The following UNKL variants were observed in gnomAD, a reference collection of about 807,000 sequenced individuals.
The protein encoded by UNKL is unk like zinc finger.
A neutral mutation model predicts 78.0 loss-of-function variants in UNKL; 60 were observed. The ratio of observed to expected loss-of-function variants is 0.77; its 90% CI spans 0.63 to 0.95. The LOEUF (loss-of-function observed/expected upper bound fraction) is 0.95, where lower values mean the gene tolerates loss of function less well. UNKL is among the 40% of genes least tolerant of loss of function. The pLI, the probability that UNKL is intolerant of heterozygous loss-of-function variation, is 0.00. For missense variants in UNKL, 1,159 were observed against 1,045.7 expected (o/e 1.11, Z -1.49); for synonymous variants, 608 against 474.8 (o/e 1.28, Z -3.65).
chr16:1,379,033 C>G (rs999347427), intron 10 of UNKL: 1 of 152,262 alleles, frequency 6.6e-6, no homozygotes, highest in Non-Finnish European at 1.5e-5. Context: ...CTGGGTCAGG[C>G]CAGGCTGCCT....
chr16:1,379,516 T>G, intron 10 of UNKL: 13 of 985,106 alleles, frequency 1.3e-5, no homozygotes, highest in Non-Finnish European at 1.6e-5. Flanking sequence ...CCCGGCTCCG[T>G]GACGCGGGGG....
chr16:1,400,248 G>A lies in UNKL; in HGVS notation c.599-739C>T, dbSNP rs976436740. On this transcript the variant is annotated intron_variant, in intron 4 of 14. Coordinates refer to ENST00000389221, the MANE Select transcript of UNKL (RefSeq NM_001372107.1). ...TGCCTGGCCAACACAGTGAAACCCC[G>A]TCTCTACTAAAAATAAAAAATTAGC... Among the ~76,000 whole-genome samples, 11 of 151,564 alleles carry A rather than the reference G, an allele frequency of 7.3e-5. No homozygotes were observed. In the East Asian group the frequency reaches 1.8e-3, roughly 24 times the overall value.
Position 1,387,383 on chromosome 16 carries a change from C to T in UNKL, c.1087-1998G>A, listed in dbSNP as rs140483251. ...TGGTGCCATCTCAGTGGCAACCCGC[C>T]CCCTATCCCTTGCACTTCCTGTCCC... On this transcript the variant is annotated intron_variant, in intron 9 of 14. Coordinates refer to ENST00000389221, the MANE Select transcript of UNKL (RefSeq NM_001372107.1). This position sits in a 1 kb window ranked among gnomAD's most constrained non-coding sequence, Gnocchi z 4.1. Among the ~76,000 whole-genome samples the T allele has an allele frequency of 6.6e-6, 1 of 152,292 alleles. No homozygotes were observed. The highest frequency in any genetic ancestry group is 1.5e-5 in the Non-Finnish European group (1 of 68,008).
intron 12 of UNKL, 87 bp downstream of exon 12, chr16:1,370,043 G>T: frequency 6.4e-7 from 1 of 1,551,064 alleles, no homozygotes; most frequent in Non-Finnish European, 8.7e-7. Flanking sequence ...AAGGTTCCGT[G>T]TGAGGCCCCT....
chr16:1,398,681 A>ACTCCC, intron 5 of UNKL: 8 of 694,534 alleles, frequency 1.2e-5, no homozygotes, highest in Middle Eastern at 6.3e-4. Context: ...TGGGGTCTGC[A>ACTCCC]CCCCCCCACC....
At chr16:1,398,679 G>GCGGGCC in intron 5 of UNKL, 33 of 1,355,824 alleles carry the variant, frequency 2.4e-5, no homozygotes, top group Middle Eastern at 2.9e-4. Context: ...TGTGGGGTCT[G>GCGGGCC]CACCCCCCCA....
chr16:1,392,478 A>C (rs1261938100), intron 8 of UNKL, among the ~76,000 whole-genome samples: 1 of 151,678 alleles, frequency 6.6e-6, no homozygotes, highest in Non-Finnish European at 1.5e-5. Context: ...TCTGTCACCC[A>C]GACTGAAGTG....
chr16:1,410,701 C>CTACT (rs1397318230), intron 2 of UNKL, among the ~76,000 whole-genome samples: 1 of 152,164 alleles, frequency 6.6e-6, no homozygotes, highest in African/African-American at 2.4e-5. Flanking sequence ...CAGCAGTGGC[C>CTACT]CTACTTGCAA....
At chr16:1,377,741 C>T (rs973230677) in intron 10 of UNKL, among the ~76,000 whole-genome samples, 3 of 152,164 alleles carry the variant, frequency 2.0e-5, no homozygotes, top group African/African-American at 7.2e-5. Context: ...GGGGCCAAAG[C>T]CCTTCCTCCT....
In UNKL at chr16:1,370,148, A is replaced by C. The variant is rs2035681657; in HGVS notation, c.1567T>G (p.Ser523Ala). 2 of 1,519,534 alleles carry C rather than the reference A, an allele frequency of 1.3e-6. No individual in the cohort carries two copies. The highest frequency in any genetic ancestry group is 1.8e-6 in the Non-Finnish European group (2 of 1,128,818). 94.1% of individuals were successfully genotyped at this position (1,519,534 alleles called of 1,614,324 possible). ...CACTCACCTAGGGGGCTGTAGGATG[A>C]GGCTGCAGAGCCCAGTGTGCCCGGC... ...SEPGTLGSAA[S>A]SYSPLGLNGV... Residue 523 changes from serine to alanine, a missense_variant, in exon 12 of 15, where the codon TCA (serine) becomes GCA (alanine). By Grantham distance (99) the Ser-to-Ala change is moderately conservative (BLOSUM62 1). Transcript: ENST00000389221.
chr16:1,366,420 C>A, intron 14 of UNKL, 25 bp from the exon 15 acceptor site: 1 of 1,553,376 alleles, frequency 6.4e-7, no homozygotes, highest in South Asian at 1.2e-5. Flanking sequence ...CAATGACGGG[C>A]TCAGGAGGCC....
At chr16:1,367,961 C>G (rs2035448301) in intron 12 of UNKL, 103 bp from the exon 13 acceptor site, 8 of 1,066,374 alleles carry the variant, frequency 7.5e-6, no homozygotes, top group Admixed American at 2.3e-5. Context: ...TGGGCACCCT[C>G]TGGGGCTCAC....
At chr16:1,369,065 T>TTG (rs2035558821) in intron 12 of UNKL, among the ~76,000 whole-genome samples, 5 of 124,862 alleles carry the variant, frequency 4.0e-5, no homozygotes, top group Admixed American at 1.6e-4. Context: ...GTTTTTTTTT[T>TTG]TTTTTTTTTT....
Position 1,392,903 on chromosome 16 carries a change from G to T in UNKL, c.1011C>A (p.Gly337=), listed in dbSNP as rs961989874. Residue 337 remains glycine, a synonymous_variant, in exon 8 of 15, where the codon GGC becomes GGA. Transcript: ENST00000389221. ...HLTSPSSTGS[G]QPGNAKRRDS... ...GCCGTTCACTTACATTTCCCGGCTG[G>T]CCGCTGCCCGTGGAGGAAGGACTCG... 5.8e-6 allele frequency: 9 copies of T among 1,550,478 alleles called. No homozygotes were observed. The highest frequency in any genetic ancestry group is 2.7e-5 in the African/African-American group (2 of 73,062).
chr16:1,407,838 G>T (rs2142257905), intron 2 of UNKL, among the ~76,000 whole-genome samples: 1 of 152,322 alleles, frequency 6.6e-6, no homozygotes, highest in South Asian at 2.1e-4. Flanking sequence ...TCTGGACAGG[G>T]GTGGGCTGGC....
At chr16:1,395,975 C>T (rs1002679049) in intron 6 of UNKL, among the ~76,000 whole-genome samples, 4 of 152,170 alleles carry the variant, frequency 2.6e-5, no homozygotes, top group African/African-American at 9.7e-5. Flanking sequence ...TAGAGTCTTG[C>T]TCTATCCCCC....
chr16:1,406,067 C>A lies in UNKL; in HGVS notation c.288-2723G>T, dbSNP rs772123379. 4.6e-5 allele frequency: 21 copies of A among 456,612 alleles called. No individual in the cohort carries two copies. In the East Asian group the frequency reaches 1.0e-3, roughly 23 times the overall value. The allele number at this position is 456,612 out of a possible 1,614,324, so 28.3% of individuals were successfully genotyped here. A position where few individuals can be genotyped will look rare whatever the true frequency, so the allele number is the denominator to read the frequency against. ...TGCCGGCTGGTTCCCAGGGAACGTG[C>A]GAGAACCACCGGGCTTAGGAGACAG... On this transcript the variant is annotated intron_variant, in intron 2 of 14. Coordinates refer to ENST00000389221, the MANE Select transcript of UNKL (RefSeq NM_001372107.1).
At chr16:1,386,244 A>G (rs959381002) in intron 9 of UNKL, among the ~76,000 whole-genome samples, 2 of 152,108 alleles carry the variant, frequency 1.3e-5, no homozygotes, top group African/African-American at 4.8e-5. Flanking sequence ...CCCTGTCTCT[A>G]CTAAAAATAC....
At position 1,386,316 on chromosome 16, in the gene UNKL, G is replaced by C. The variant is rs190106430; in HGVS notation, c.1087-931C>G. 7.7e-3 allele frequency among the ~76,000 whole-genome samples: 1,170 copies of C among 152,308 alleles called. 14 individuals are homozygous for C. Among genetic ancestry groups the C allele is most frequent in the African/African-American group, 0.025 (1,031 of 41,562 alleles). Reference sequence around the variant, plus strand: ...ACCTGTAATCGCAGCACTTTGGGAGGCCGAGGTGGGCAGATCACCTGAGAT... The same window carrying C: ...ACCTGTAATCGCAGCACTTTGGGAGCCCGAGGTGGGCAGATCACCTGAGAT... On this transcript the variant is annotated intron_variant, in intron 9 of 14. Transcript: ENST00000389221.
Sources: gnomAD v4.1 joint callset for allele counts (sites outside exome capture counted in the v4.1 genomes callset) on GRCh38, gnomAD v4.1.1 for gene constraint, Gnocchi (gnomAD v3.1) non-coding constraint, MANE v1.5 for transcripts, NCBI Gene and HGNC (gene_info 2026-07-23, HGNC 2026-07-21) for gene names.